PKHD1: variants seen among roughly 807,000 people sequenced by gnomAD.
PKHD1 encodes PKHD1 ciliary IPT domain containing fibrocystin/polyductin, also known as fibrocystin.
In PKHD1, 291 loss-of-function variants were observed where a neutral mutation model predicts 412.0. That is an observed-to-expected ratio of 0.71 (90% CI 0.64 to 0.78). PKHD1 has a LOEUF of 0.78. PKHD1 is among the 30% of genes least tolerant of loss of function. The pLI, the probability that PKHD1 is intolerant of heterozygous loss-of-function variation, is 0.00. For synonymous variants in PKHD1, 1,777 were observed against 1,821.5 expected, an observed-to-expected ratio of 0.98 and a Z score of 0.62; for missense variants, 4,825 against 4,950.7, an observed-to-expected ratio of 0.97 and a Z score of 0.76.
chr6:51,971,197 G>A (rs1053632441), intron 35 of PKHD1, among the ~76,000 whole-genome samples: 6 of 152,050 alleles, frequency 3.9e-5, no homozygotes, highest in African/African-American at 1.2e-4. Flanking sequence ...TCTGATCTAC[G>A]GGACCATAGA....
chr6:51,949,244 T>C (rs1166921647), intron 36 of PKHD1, among the ~76,000 whole-genome samples: 2 of 152,198 alleles, frequency 1.3e-5, no homozygotes, highest in East Asian at 3.8e-4. Flanking sequence ...GCCTATATAT[T>C]CTTACCTTTC....
At chr6:51,899,733 G>A (rs970923625) in intron 43 of PKHD1, among the ~76,000 whole-genome samples, 8 of 152,204 alleles carry the variant, frequency 5.3e-5, no homozygotes, top group Non-Finnish European at 8.8e-5. Flanking sequence ...AATTGTCCCT[G>A]TTTACAGAAG....
chr6:51,727,902 T>C (rs1446993149), intron 60 of PKHD1, among the ~76,000 whole-genome samples: 1 of 152,156 alleles, frequency 6.6e-6, no homozygotes, highest in Admixed American at 6.5e-5. Context: ...ACATTCCTAG[T>C]GGGTAGGGGA....
chr6:51,624,501 G>C (rs1353058946), intron 66 of PKHD1, among the ~76,000 whole-genome samples: 1 of 152,086 alleles, frequency 6.6e-6, no homozygotes, highest in Admixed American at 6.5e-5. Flanking sequence ...GCAGAAAACT[G>C]TTAGGACCCC....
rs115847544 is a variant in PKHD1 at position 51,973,491 on chromosome 6, T to A, written c.5752-13465A>T. Reference sequence around the variant, plus strand: ...AAGGCAGAAAACTCAGAATCTTTGGTGAATACTAAGCAATCCACAGGCACA... The same window carrying A: ...AAGGCAGAAAACTCAGAATCTTTGGAGAATACTAAGCAATCCACAGGCACA... On this transcript the variant is annotated intron_variant, in intron 35 of 66. Transcript: ENST00000371117. Among the ~76,000 whole-genome samples the A allele has an allele frequency of 3.5e-3, 540 of 152,286 alleles. 6 individuals are homozygous for A. Among genetic ancestry groups the A allele is most frequent in the African/African-American group, 0.012 (509 of 41,562 alleles).
At chr6:52,084,331 T>C (rs1812445025) in intron 2 of PKHD1, among the ~76,000 whole-genome samples, 1 of 152,176 alleles carries the variant, frequency 6.6e-6, no homozygotes, top group South Asian at 2.1e-4. Flanking sequence ...GACTAGACCA[T>C]CTTCCAAAGA....
At chr6:51,647,551 G>A (rs1770270188) in intron 63 of PKHD1, among the ~76,000 whole-genome samples, 1 of 152,160 alleles carries the variant, frequency 6.6e-6, no homozygotes, top group Non-Finnish European at 1.5e-5. Flanking sequence ...TATGGGTCAG[G>A]TGCTTTTGCA....
chr6:52,035,247 T>C (rs1199585389), intron 28 of PKHD1, among the ~76,000 whole-genome samples: 9 of 152,214 alleles, frequency 5.9e-5, no homozygotes, highest in Non-Finnish European at 1.0e-4. Context: ...GTTTGCTTAA[T>C]AGAGAAGGGA....
chr6:52,004,587 C>T (rs965215669), intron 35 of PKHD1, among the ~76,000 whole-genome samples: 7 of 152,104 alleles, frequency 4.6e-5, no homozygotes, highest in African/African-American at 1.4e-4. Context: ...TTTTATCTTC[C>T]TTCCTTTAAA....
At chr6:51,975,975 A>AC (rs1562030967) in intron 35 of PKHD1, 4 of 149,094 alleles carry the variant, frequency 2.7e-5, no homozygotes, top group East Asian at 3.9e-4. Flanking sequence ...AAAAAAAAAA[A>AC]AAAAAAAAAA....
intron 60 of PKHD1, among the ~76,000 whole-genome samples, chr6:51,666,265 C>T (rs964546650): frequency 2.6e-5 from 4 of 152,046 alleles, no homozygotes; most frequent in African/African-American, 9.7e-5. Flanking sequence ...TTTTAAAAAC[C>T]TCGTAAGTAC....
chr6:52,039,629 C>T (rs906426785), intron 27 of PKHD1, among the ~76,000 whole-genome samples: 1 of 152,266 alleles, frequency 6.6e-6, no homozygotes, highest in South Asian at 2.1e-4. Context: ...GACTAACACA[C>T]ATTGGAACCC....
At chr6:52,063,448 C>T (rs1479585098) in intron 13 of PKHD1, among the ~76,000 whole-genome samples, 1 of 152,144 alleles carries the variant, frequency 6.6e-6, no homozygotes, top group Admixed American at 6.5e-5. Context: ...GCCTGGAATA[C>T]AGTAAGTGCT....
In PKHD1 at chr6:51,909,313, T is replaced by G. The variant is rs756450923; in HGVS notation, c.6652A>C (p.Ser2218Arg). 9.9e-6 allele frequency: 16 copies of G among 1,613,286 alleles called. No individual in the cohort carries two copies. Among genetic ancestry groups the G allele is most frequent in the Non-Finnish European group, 1.4e-5 (16 of 1,179,606 alleles). The change falls in exon 40 of 67, where the codon AGC becomes CGC. Residue 2218 changes from serine to arginine, a missense_variant. By Grantham distance (110) the Ser-to-Arg change is moderately radical (BLOSUM62 -1). Transcript: ENST00000371117. ...VLGQAFHKHL[S>R]SLTLVGAMRE... Reference sequence around the variant, plus strand: ...ATAGCTCCCACCAGAGTGAGTGAGCTCAGATGCTTATGGAAGGCTTGCCCC... The same window carrying G: ...ATAGCTCCCACCAGAGTGAGTGAGCGCAGATGCTTATGGAAGGCTTGCCCC...
intron 37 of PKHD1, among the ~76,000 whole-genome samples, chr6:51,922,904 G>A (rs1220443568): frequency 6.6e-6 from 1 of 152,170 alleles, no homozygotes; most frequent in African/African-American, 2.4e-5. Flanking sequence ...CCCTGGTGAG[G>A]CAATGCCCCA....
At chr6:52,023,298 C>G (rs1267970260) in intron 32 of PKHD1, among the ~76,000 whole-genome samples, 3 of 152,104 alleles carry the variant, frequency 2.0e-5, no homozygotes, top group Non-Finnish European at 4.4e-5. Context: ...CGGAGGTACC[C>G]AGGTATAGAG....
At chr6:51,643,328 T>A (rs1769623400) in intron 63 of PKHD1, among the ~76,000 whole-genome samples, 1 of 152,114 alleles carries the variant, frequency 6.6e-6, no homozygotes, top group Non-Finnish European at 1.5e-5. Context: ...ACCATTCTGG[T>A]TTGTCCTCAT....
chr6:51,673,685 C>T (rs1775376188), intron 60 of PKHD1, among the ~76,000 whole-genome samples: 1 of 152,056 alleles, frequency 6.6e-6, no homozygotes, highest in South Asian at 2.1e-4. Context: ...AGGTAGTCAG[C>T]CAGATGGTGT....
At chr6:51,888,573 T>C (rs1016497883) in intron 43 of PKHD1, among the ~76,000 whole-genome samples, 1 of 151,882 alleles carries the variant, frequency 6.6e-6, no homozygotes, top group African/African-American at 2.4e-5. Flanking sequence ...TCCTGTGAAG[T>C]AGCCACAGGT....
Sources: allele counts gnomAD v4.1 joint callset (sites outside exome capture counted in the v4.1 genomes callset), GRCh38; gene constraint gnomAD v4.1.1; transcripts MANE v1.5; gene names NCBI Gene and HGNC (gene_info 2026-07-23, HGNC 2026-07-21).